Variants in HDX observed in about 807,000 individuals in gnomAD.
HDX encodes highly divergent homeobox.
HDX carries 19 observed loss-of-function variants against 45.2 expected under a neutral mutation model. The observed-to-expected ratio is 0.42, with a 90% confidence interval of 0.29 to 0.62. The LOEUF (loss-of-function observed/expected upper bound fraction) is 0.62. Among genes scored for constraint, HDX ranks in the 20% least tolerant of loss-of-function variants. HDX has a pLI of 0.20. For missense variants in HDX, 532 were observed against 493.9 expected (o/e 1.08, Z -0.73); for synonymous variants, 188 against 172.8 (o/e 1.09, Z -0.69).
At position 84,344,464 on chromosome X, in the gene HDX, A is replaced by G. The variant is rs1239344282; in HGVS notation, c.1453-7T>C. On this transcript the variant is annotated splice_region_variant and splice_polypyrimidine_tract_variant and intron_variant, in intron 6 of 10. Coordinates refer to ENST00000373177, the MANE Select transcript of HDX (RefSeq NM_001177479.2). ...TTCGATTCCCAATCCAAGTCTTTATAAGAGAAATATAGGAGGAATTTTTGT... is the reference window on the plus strand; with the variant it reads ...TTCGATTCCCAATCCAAGTCTTTATGAGAGAAATATAGGAGGAATTTTTGT... The G allele has an allele frequency of 2.6e-6, 3 of 1,165,577 alleles. No individual in the cohort carries two copies. The highest frequency in any genetic ancestry group is 3.0e-5 in the East Asian group (1 of 33,580).
intron 5 of HDX, among the ~76,000 whole-genome samples, chrX:84,366,220 A>G (rs991464765): frequency 9.0e-6 from 1 of 111,589 alleles, no homozygotes; most frequent in Non-Finnish European, 1.9e-5. Flanking sequence ...TCATGAGTGA[A>G]CTCCGATTCA....
intron 5 of HDX, among the ~76,000 whole-genome samples, chrX:84,370,953 T>C (rs3788956): frequency 0.11 from 12,223 of 112,219 alleles, 624 homozygotes; most frequent in East Asian, 0.26. Flanking sequence ...TAAGCCTCTG[T>C]ATATAATTGC....
At position 84,334,044 on chromosome X, in the gene HDX, T is replaced by G. The variant is rs184244869; in HGVS notation, c.1741-202A>C. ...TCTACCTTTAACTGATGACTGCTTG[T>G]TAAATAAAAAAATTAATACTATTTA... On this transcript the variant is annotated intron_variant, in intron 8 of 10. Transcript: ENST00000373177. Among the ~76,000 whole-genome samples, 290 of 111,041 alleles carry G rather than the reference T, an allele frequency of 2.6e-3. 2 individuals carry two copies. Among genetic ancestry groups the G allele is most frequent in the African/African-American group, 9.1e-3 (280 of 30,668 alleles).
intron 6 of HDX, among the ~76,000 whole-genome samples, chrX:84,349,035 T>C (rs746067264): frequency 7.2e-5 from 8 of 111,403 alleles, no homozygotes; most frequent in Non-Finnish European, 1.1e-4. Flanking sequence ...CCCTCCATGA[T>C]TGTACACCCT....
chrX:84,474,400 C>T (rs1406142892), intron 3 of HDX, among the ~76,000 whole-genome samples: 1 of 112,468 alleles, frequency 8.9e-6, no homozygotes, highest in African/African-American at 3.2e-5. Flanking sequence ...CTTTAAGAAA[C>T]ACATATTCTG....
intron 5 of HDX, among the ~76,000 whole-genome samples, chrX:84,391,613 T>C (rs1021182872): frequency 2.7e-5 from 3 of 111,725 alleles, no homozygotes; most frequent in African/African-American, 9.7e-5. Flanking sequence ...CTAACATTTG[T>C]TATTTTTTGT....
chrX:84,372,533 GT>G (rs1383633391), intron 5 of HDX, among the ~76,000 whole-genome samples: 2 of 111,985 alleles, frequency 1.8e-5, no homozygotes, highest in Non-Finnish European at 3.8e-5. Flanking sequence ...CAAGGATTCT[GT>G]AATATAAGTT....
intron 1 of HDX, among the ~76,000 whole-genome samples, chrX:84,502,049 A>C (rs1365753425): frequency 9.0e-6 from 1 of 111,285 alleles, no homozygotes; most frequent in East Asian, 2.8e-4. Context: ...ACCCGTCCAG[A>C]AGCGCGTCCC....
intron 2 of HDX, among the ~76,000 whole-genome samples, chrX:84,486,915 G>A (rs1255784615): frequency 2.7e-5 from 3 of 110,976 alleles, no homozygotes; most frequent in Admixed American, 1.9e-4. Context: ...TTATTTCTTC[G>A]AATATTTTTT....
At chrX:84,495,916 C>G (rs1376658039) in intron 1 of HDX, among the ~76,000 whole-genome samples, 1 of 111,558 alleles carries the variant, frequency 9.0e-6, no homozygotes, top group East Asian at 2.8e-4. Context: ...TTGGGTTGTT[C>G]TAGGGCAATA....
At chrX:84,404,674 A>T (rs1392132534) in intron 5 of HDX, among the ~76,000 whole-genome samples, 1 of 111,499 alleles carries the variant, frequency 9.0e-6, no homozygotes, top group African/African-American at 3.2e-5. Context: ...AAAAGGAGAA[A>T]GCAGGGGGTG....
intron 5 of HDX, among the ~76,000 whole-genome samples, chrX:84,419,501 C>T (rs2039197792): frequency 9.0e-6 from 1 of 111,562 alleles, no homozygotes; most frequent in Non-Finnish European, 1.9e-5. Context: ...TGTCTGAGTG[C>T]CATCTCAGCT....
chrX:84,391,736 T>C (rs2038447988), intron 5 of HDX, among the ~76,000 whole-genome samples: 1 of 111,910 alleles, frequency 8.9e-6, no homozygotes, highest in South Asian at 3.7e-4. Flanking sequence ...GTCAGTCATA[T>C]TTATGTCTTT....
intron 4 of HDX, among the ~76,000 whole-genome samples, chrX:84,464,094 ATTGT>A (rs1346775851): frequency 1.8e-5 from 2 of 111,449 alleles, no homozygotes; most frequent in Admixed American, 1.9e-4. Context: ...ACTCAAGAGA[ATTGT>A]TTGTTTTCTT....
chrX:84,326,092 A>C, intron 10 of HDX, 86 bp downstream of exon 10: 5 of 884,107 alleles, frequency 5.7e-6, no homozygotes, highest in Non-Finnish European at 8.2e-6. Context: ...TGAAGTATTA[A>C]AATGAAAACA....
intron 5 of HDX, among the ~76,000 whole-genome samples, chrX:84,388,209 C>CT (rs766086301): frequency 1.8e-5 from 2 of 110,659 alleles, no homozygotes; most frequent in Non-Finnish European, 3.8e-5. Flanking sequence ...TGACTTGACC[C>CT]TTTTTTCTAG....
chrX:84,412,891 A>C (rs910512165), intron 5 of HDX, among the ~76,000 whole-genome samples: 1 of 111,785 alleles, frequency 8.9e-6, no homozygotes, highest in Non-Finnish European at 1.9e-5. Context: ...TTATTCGGGG[A>C]ACCTGTAATC....
chrX:84,351,896 C>G (rs1312790064), intron 6 of HDX, among the ~76,000 whole-genome samples: 1 of 112,189 alleles, frequency 8.9e-6, no homozygotes, highest in Admixed American at 9.5e-5. Flanking sequence ...TTTATTCCCA[C>G]GTTTCTTACG....
intron 5 of HDX, among the ~76,000 whole-genome samples, chrX:84,408,499 GTTTTTTTTTTT>G (rs1220751208): frequency 4.5e-5 from 2 of 44,444 alleles, no homozygotes; most frequent in African/African-American, 1.9e-4. Context: ...CTCCAGCTTT[GTTTTTTTTTTT>G]TTTTTTTTTT....
Sources: allele counts gnomAD v4.1 joint callset (sites outside exome capture counted in the v4.1 genomes callset), GRCh38; gene constraint gnomAD v4.1.1; transcripts MANE v1.5; gene names NCBI Gene and HGNC (gene_info 2026-07-23, HGNC 2026-07-21).